ITGB3BP: variants seen among roughly 807,000 people sequenced by gnomAD.
ITGB3BP encodes integrin subunit beta 3 binding protein.
Under a neutral mutation model 29.1 loss-of-function variants are expected in ITGB3BP, and 27 were observed. The observed-to-expected ratio is 0.93, with a 90% confidence interval of 0.68 to 1.28. The LOEUF is 1.28. Among genes scored for constraint, ITGB3BP ranks in the 50% most tolerant of loss-of-function variants. The probability of loss-of-function intolerance (pLI) is 0.00; values close to 1 mark genes in which losing one functional copy is unlikely to be tolerated. For missense variants in ITGB3BP, 192 were observed against 200.2 expected, an observed-to-expected ratio of 0.96 and a Z score of 0.25; for synonymous variants, 61 against 61.4, an observed-to-expected ratio of 0.99 and a Z score of 0.03.
intron 1 of ITGB3BP, among the ~76,000 whole-genome samples, chr1:63,511,190 T>A (rs951439635): frequency 6.6e-6 from 1 of 152,090 alleles, no homozygotes. Flanking sequence ...ACATCTCTAA[T>A]CATTAGGGAA....
rs1344667581 is a variant in ITGB3BP at position 63,454,080 on chromosome 1, CATATTT to C, written c.428-112_428-107del. 1.7e-6 allele frequency: 1 copy of C among 605,182 alleles called. No homozygotes were observed. The allele number at this position is 605,182 out of a possible 1,614,324, so 37.5% of individuals were successfully genotyped here. A position where few individuals can be genotyped will look rare whatever the true frequency, so the allele number is the denominator to read the frequency against. ...GAGAAAAAAATAATTCAAAATAATA[CATATTT>C]ATAAGTACCAAATATAAAATATAAT... On this transcript the variant is annotated intron_variant, in intron 6 of 8. Transcript: ENST00000271002. This position sits in a 1 kb window ranked among gnomAD's most constrained non-coding sequence, Gnocchi z 4.1.
chr1:63,504,067 G>C (rs1321223725), intron 2 of ITGB3BP, among the ~76,000 whole-genome samples: 1 of 151,842 alleles, frequency 6.6e-6, no homozygotes, highest in Non-Finnish European at 1.5e-5. Context: ...TTGGTAGCTT[G>C]ATGGGGATGG....
chr1:63,505,539 C>G (rs2100759489), intron 2 of ITGB3BP, among the ~76,000 whole-genome samples: 1 of 152,192 alleles, frequency 6.6e-6, no homozygotes, highest in East Asian at 1.9e-4. Context: ...TTAGGTATTT[C>G]TTGCCTTCTG....
chr1:63,476,469 G>C (rs1234406577), intron 4 of ITGB3BP, among the ~76,000 whole-genome samples: 1 of 152,176 alleles, frequency 6.6e-6, no homozygotes, highest in Admixed American at 6.5e-5. Context: ...GAGATCTTTA[G>C]AAACAAATAT....
rs1272259539 is a variant in ITGB3BP, at chr1:63,505,922, C to G, written c.48+2606G>C. On this transcript the variant is annotated intron_variant, in intron 2 of 8. Transcript: ENST00000271002. Reference sequence around the variant, plus strand: ...GTTCTTTTACATTTGCTGAGGAGTGCTTTACTTCCAACTATGTGGTCAATT... The same window carrying G: ...GTTCTTTTACATTTGCTGAGGAGTGGTTTACTTCCAACTATGTGGTCAATT... 1.4e-4 allele frequency among the ~76,000 whole-genome samples: 21 copies of G among 152,260 alleles called. No individual in the cohort carries two copies. The East Asian group carries it at 4.0e-3, about 29-fold the overall frequency.
intron 4 of ITGB3BP, among the ~76,000 whole-genome samples, chr1:63,455,243 A>ATACTT: frequency 6.6e-6 from 1 of 152,144 alleles, no homozygotes; most frequent in African/African-American, 2.4e-5. Flanking sequence ...CCTTGATCTG[A>ATACTT]GTCTATGAAT....
chr1:63,473,570 G>C (rs1380423778), intron 4 of ITGB3BP, among the ~76,000 whole-genome samples: 1 of 120,482 alleles, frequency 8.3e-6, no homozygotes, highest in Non-Finnish European at 1.8e-5. Flanking sequence ...GGAGGGGGGA[G>C]GGGGGGTCAG....
At chr1:63,503,965 C>G in intron 2 of ITGB3BP, among the ~76,000 whole-genome samples, 1 of 150,766 alleles carries the variant, frequency 6.6e-6, no homozygotes, top group Non-Finnish European at 1.5e-5. Context: ...TGGCTTTGTT[C>G]TTTTGGCTTA....
At chr1:63,475,597 A>G (rs6674064) in intron 4 of ITGB3BP, among the ~76,000 whole-genome samples, 51,477 of 152,106 alleles carry the variant, frequency 0.34, 8,940 homozygotes, top group East Asian at 0.48. Context: ...AGTGGTTTTA[A>G]AAAATAAAAG....
chr1:63,472,735 C>T (rs1472324341), intron 4 of ITGB3BP, among the ~76,000 whole-genome samples: 1 of 151,712 alleles, frequency 6.6e-6, no homozygotes, highest in Non-Finnish European at 1.5e-5. Flanking sequence ...CCTCGGCCTC[C>T]CGAGGCGCCG....
chr1:63,463,610 T>C (rs375470091), intron 4 of ITGB3BP, among the ~76,000 whole-genome samples: 1 of 152,190 alleles, frequency 6.6e-6, no homozygotes, highest in South Asian at 2.1e-4. Flanking sequence ...TGCATTTTCA[T>C]AGCAATGCCA....
intron 4 of ITGB3BP, among the ~76,000 whole-genome samples, chr1:63,473,489 C>A (rs1203671168): frequency 7.1e-6 from 1 of 141,176 alleles, no homozygotes; most frequent in Non-Finnish European, 1.6e-5. Context: ...GTCAGCCCCC[C>A]GCCCGGCCAG....
At position 63,464,088 on chromosome 1, in the gene ITGB3BP, C is replaced by T. The variant is rs554012428; in HGVS notation, c.255-9120G>A. Among the ~76,000 whole-genome samples, 71 of 152,302 alleles carry T rather than the reference C, an allele frequency of 4.7e-4. 1 individual carries two copies. Among genetic ancestry groups the T allele is most frequent in the African/African-American group, 1.6e-3 (67 of 41,568 alleles). On this transcript the variant is annotated intron_variant, in intron 4 of 8. Coordinates refer to ENST00000271002, the MANE Select transcript of ITGB3BP (RefSeq NM_014288.5). ...GAATGAGGGAGGGATTAACACTACT[C>T]TGAGTATCCTTTTTTGGCAACAGTT...
intron 2 of ITGB3BP, among the ~76,000 whole-genome samples, chr1:63,497,363 C>A (rs1028581157): frequency 6.6e-6 from 1 of 152,092 alleles, no homozygotes; most frequent in Non-Finnish European, 1.5e-5. Flanking sequence ...ACTTAGAGAC[C>A]TAGACCCATT....
intron 4 of ITGB3BP, among the ~76,000 whole-genome samples, chr1:63,473,285 C>A (rs897357055): frequency 3.3e-5 from 5 of 151,680 alleles, no homozygotes; most frequent in Middle Eastern, 3.4e-3. Context: ...CCGGCAGCCA[C>A]CCCGTCTGGG....
intron 4 of ITGB3BP, among the ~76,000 whole-genome samples, chr1:63,461,828 G>A (rs190413801): frequency 7.9e-5 from 12 of 152,282 alleles, no homozygotes; most frequent in African/African-American, 2.9e-4. Flanking sequence ...GGTCTCTATG[G>A]CTACTGTTAA....
chr1:63,498,037 A>AG (rs1171399840), intron 2 of ITGB3BP, among the ~76,000 whole-genome samples: 3 of 152,312 alleles, frequency 2.0e-5, no homozygotes, highest in Non-Finnish European at 2.9e-5. Context: ...ATCTAACAGG[A>AG]GAGGCCCAAA....
chr1:63,450,350 C>T (rs921707755), intron 7 of ITGB3BP, among the ~76,000 whole-genome samples: 3 of 151,940 alleles, frequency 2.0e-5, no homozygotes, highest in Non-Finnish European at 4.4e-5. Flanking sequence ...TTGGCAACTG[C>T]TCTACAATTT....
chr1:63,519,167 T>C (rs182616359), intron 1 of ITGB3BP, among the ~76,000 whole-genome samples: 29 of 152,242 alleles, frequency 1.9e-4, no homozygotes, highest in African/African-American at 6.3e-4. Context: ...ACAAACCCAT[T>C]GTAAATTGAA....
Sources: gnomAD v4.1 joint callset for allele counts (sites outside exome capture counted in the v4.1 genomes callset) on GRCh38, gnomAD v4.1.1 for gene constraint, Gnocchi (gnomAD v3.1) non-coding constraint, MANE v1.5 for transcripts, NCBI Gene and HGNC (gene_info 2026-07-23, HGNC 2026-07-21) for gene names.